The following SP4 variants were observed in gnomAD, a reference collection of about 807,000 sequenced individuals.
SP4 encodes the protein transcription factor Sp4.
A neutral mutation model predicts 72.8 loss-of-function variants in SP4; 19 were observed. The observed-to-expected ratio is 0.26, with a 90% CI of 0.18 to 0.38. The LOEUF (loss-of-function observed/expected upper bound fraction) is 0.38, where lower values mean the gene tolerates loss of function less well. Ranked by LOEUF, SP4 falls within the 10% of genes least tolerant of loss-of-function variation. The probability of loss-of-function intolerance (pLI) is 1.00; values close to 1 mark genes in which losing one functional copy is unlikely to be tolerated. For synonymous variants in SP4, 395 were observed against 333.1 expected, an observed-to-expected ratio of 1.19 and a Z score of -2.02; for missense variants, 1,008 against 926.3, an observed-to-expected ratio of 1.09 and a Z score of -1.14.
At chr7:21,465,525 T>C (rs576714706) in intron 3 of SP4, among the ~76,000 whole-genome samples, 1 of 152,208 alleles carries the variant, frequency 6.6e-6, no homozygotes, top group African/African-American at 2.4e-5. Flanking sequence ...TAAAATAGTT[T>C]AGTTCGATTA....
At chr7:21,491,721 A>G (rs2128413703) in intron 5 of SP4, among the ~76,000 whole-genome samples, 1 of 152,338 alleles carries the variant, frequency 6.6e-6, no homozygotes, top group East Asian at 1.9e-4. Context: ...ACTATGGAGG[A>G]CAGAGAAAGA....
At chr7:21,503,815 G>A (rs1781927226) in intron 5 of SP4, among the ~76,000 whole-genome samples, 2 of 152,098 alleles carry the variant, frequency 1.3e-5, no homozygotes, top group African/African-American at 4.8e-5. Flanking sequence ...TTTATCTTTT[G>A]ACAAGTTAAC....
chr7:21,464,983 GA>G (rs1322255291), intron 3 of SP4, among the ~76,000 whole-genome samples: 1 of 152,304 alleles, frequency 6.6e-6, no homozygotes, highest in East Asian at 1.9e-4. Context: ...AACGTAGAAT[GA>G]GGGAAAATTA....
chr7:21,475,463 C>T (rs1235200257), intron 3 of SP4, among the ~76,000 whole-genome samples: 2 of 151,196 alleles, frequency 1.3e-5, no homozygotes, highest in Non-Finnish European at 3.0e-5. Context: ...TTTGTTTCTG[C>T]TAGCATATTT....
At position 21,429,873 on chromosome 7, in the gene SP4, T is replaced by G; in HGVS notation, c.708T>G (p.Gly236=). The G allele has an allele frequency of 6.8e-6, 11 of 1,614,162 alleles. No individual in the cohort carries two copies. Among genetic ancestry groups the G allele is most frequent in the Non-Finnish European group, 8.5e-6 (10 of 1,179,996 alleles). ...CAGTTCCGGTCCAAATTAGACCTGG[T>G]GTTTCAATACCACTGCAGTTACAGA... ...NQTVPVQIRP[G]VSIPLQLQTL... Residue 236 remains glycine (G), a synonymous_variant, in exon 3 of 6, where the codon GGT becomes GGG. Transcript: ENST00000222584.
chr7:21,453,096 T>A (rs1194171323), intron 3 of SP4, among the ~76,000 whole-genome samples: 4 of 152,214 alleles, frequency 2.6e-5, no homozygotes, highest in Non-Finnish European at 4.4e-5. Flanking sequence ...TGTTAAAAGC[T>A]GTAAATAGCT....
chr7:21,460,238 C>G (rs1239774991), intron 3 of SP4, among the ~76,000 whole-genome samples: 1 of 152,138 alleles, frequency 6.6e-6, no homozygotes, highest in Admixed American at 6.5e-5. Flanking sequence ...TTAAAGGCGG[C>G]ATGTCCAGAG....
chr7:21,429,805 A>G lies in SP4; in HGVS notation c.640A>G (p.Thr214Ala), dbSNP rs1187444973. 9 of 1,614,084 alleles carry G rather than the reference A, an allele frequency of 5.6e-6. No individual in the cohort carries two copies. The Admixed American group carries it at 1.5e-4, about 27-fold the overall frequency. ...AGCTATACTCACAGCTGCTAACAGG[A>G]CAGCTTCTGGGAATATTCTTGCTCA... ...NQAILTAANR[T>A]ASGNILAQNL... Residue 214 changes from threonine (T) to alanine (A), a missense_variant, in exon 3 of 6, where the codon ACA becomes GCA. Coordinates refer to ENST00000222584, the MANE Select transcript of SP4 (RefSeq NM_003112.5).
chr7:21,510,369 A>G (rs1782110357), intron 5 of SP4, among the ~76,000 whole-genome samples: 1 of 146,802 alleles, frequency 6.8e-6, no homozygotes, highest in Non-Finnish European at 1.5e-5. Flanking sequence ...TTTAGTTAAC[A>G]TTAAACTAGC....
rs1433366471 is a variant in SP4 at position 21,514,223 on chromosome 7, AGT to A, written c.*2959_*2960del. 2 of 152,634 alleles carry A rather than the reference AGT, an allele frequency of 1.3e-5. No individual in the cohort carries two copies. Among genetic ancestry groups the A allele is most frequent in the African/African-American group, 2.4e-5 (1 of 41,464 alleles). 9.5% of individuals were successfully genotyped at this position (152,634 alleles called of 1,614,324 possible). A position where few individuals can be genotyped will look rare whatever the true frequency, so the allele number is the denominator to read the frequency against. On this transcript the variant is annotated 3_prime_UTR_variant, in exon 6 of 6. Coordinates refer to ENST00000222584, the MANE Select transcript of SP4 (RefSeq NM_003112.5). ...ACACTCTCATGAGAGCAGTAATAAAAGTGTGTAATCTAGGAGAAAAAGTTAAT... is the reference window on the plus strand; with the variant it reads ...ACACTCTCATGAGAGCAGTAATAAAAGTGTAATCTAGGAGAAAAAGTTAAT...
At chr7:21,476,545 A>G (rs934155152) in intron 3 of SP4, among the ~76,000 whole-genome samples, 6 of 152,174 alleles carry the variant, frequency 3.9e-5, no homozygotes, top group Admixed American at 6.6e-5. Context: ...CACTTTATGT[A>G]TACACTAAAA....
intron 5 of SP4, among the ~76,000 whole-genome samples, chr7:21,492,710 A>G (rs898317942): frequency 1.3e-5 from 2 of 152,248 alleles, no homozygotes; most frequent in African/African-American, 2.4e-5. Flanking sequence ...TATAAATTAT[A>G]CTAATCCAAA....
chr7:21,489,122 A>G (rs996072511), intron 5 of SP4, among the ~76,000 whole-genome samples: 3 of 152,222 alleles, frequency 2.0e-5, no homozygotes, highest in Admixed American at 2.0e-4. Flanking sequence ...ATGACGACTT[A>G]GTGTTTTAGC....
intron 3 of SP4, among the ~76,000 whole-genome samples, chr7:21,455,663 G>A (rs972959269): frequency 6.6e-5 from 10 of 152,070 alleles, no homozygotes; most frequent in Admixed American, 1.3e-4. Context: ...TTGGGGTTAC[G>A]GAATGAACCT....
chr7:21,430,024 G>A lies in SP4; in HGVS notation c.859G>A (p.Ala287Thr), dbSNP rs994331439. 1 of 1,614,194 alleles carries A rather than the reference G, an allele frequency of 6.2e-7. No homozygotes were observed. Reference sequence around the variant, plus strand: ...AGGGACTGGGCAGGTTGGCCAGCCTGCTGCTACTGCTGATAGTGGGACTTC... The same window carrying A: ...AGGGACTGGGCAGGTTGGCCAGCCTACTGCTACTGCTGATAGTGGGACTTC... ...GGGTGQVGQP[A>T]ATADSGTSNG... The change falls in exon 3 of 6, where the codon GCT becomes ACT. Residue 287 changes from alanine (A) to threonine (T), a missense_variant. Physicochemically the swap from Ala to Thr is moderately conservative, Grantham distance 58. Coordinates refer to ENST00000222584, the MANE Select transcript of SP4 (RefSeq NM_003112.5).
intron 5 of SP4, among the ~76,000 whole-genome samples, chr7:21,510,752 CTG>C (rs1213057316): frequency 1.3e-5 from 2 of 152,176 alleles, no homozygotes; most frequent in Non-Finnish European, 2.9e-5. Context: ...GATGGGAAAA[CTG>C]AGAGTTCCAG....
intron 3 of SP4, among the ~76,000 whole-genome samples, chr7:21,461,257 G>T (rs185555855): frequency 6.6e-6 from 1 of 152,168 alleles, no homozygotes; most frequent in Non-Finnish European, 1.5e-5. Flanking sequence ...GGCGGTGCTT[G>T]TTGGGGAGAC....
At chr7:21,434,869 A>C (rs1782995503) in intron 3 of SP4, among the ~76,000 whole-genome samples, 1 of 149,726 alleles carries the variant, frequency 6.7e-6, no homozygotes, top group Admixed American at 6.7e-5. Context: ...GCTGAGTTTG[A>C]CTTCAAAGGA....
chr7:21,428,183 G>GCCCCCCCCCCCCC lies in SP4; in HGVS notation c.-67_-66insCCCCCCCCCCCCC. On this transcript the variant is annotated 5_prime_UTR_variant, in exon 1 of 6. Transcript: ENST00000222584. ...GCGGGCGGGACCGGCCTCTCCTCCC[G>GCCCCCCCCCCCCC]CCTCGCCCCCACCCCCACCCACCTC... 1 of 370,468 alleles carries GCCCCCCCCCCCCC rather than the reference G, an allele frequency of 2.7e-6. No individual in the cohort carries two copies. The highest frequency in any genetic ancestry group is 5.3e-6 in the Non-Finnish European group (1 of 190,028). 22.9% of individuals were successfully genotyped at this position (370,468 alleles called of 1,614,324 possible).
Sources: gnomAD v4.1 joint callset for allele counts (sites outside exome capture counted in the v4.1 genomes callset) on GRCh38, gnomAD v4.1.1 for gene constraint, MANE v1.5 for transcripts, NCBI Gene and HGNC (gene_info 2026-07-23, HGNC 2026-07-21) for gene names.